Variants in PTPN12 observed in about 807,000 individuals in gnomAD.
PTPN12 encodes tyrosine-protein phosphatase non-receptor type 12.
In PTPN12, 29 loss-of-function variants were observed where a neutral mutation model predicts 97.6. The ratio of observed to expected loss-of-function variants is 0.30; its 90% CI spans 0.22 to 0.41. The LOEUF (loss-of-function observed/expected upper bound fraction) is 0.41. Among genes scored for constraint, PTPN12 ranks in the 10% least tolerant of loss-of-function variants. PTPN12 has a pLI of 1.00. For missense variants in PTPN12, 819 were observed against 926.0 expected, an observed-to-expected ratio of 0.88 and a Z score of 1.50; for synonymous variants, 327 against 300.4, an observed-to-expected ratio of 1.09 and a Z score of -0.91.
chr7:77,564,746 G>GGTTTTTT (rs1808162192), intron 1 of PTPN12, among the ~76,000 whole-genome samples: 2 of 45,370 alleles, frequency 4.4e-5, no homozygotes, highest in African/African-American at 1.8e-4. Context: ...TTGTTGTCGT[G>GGTTTTTT]TTTTTTTTTT....
intron 5 of PTPN12, among the ~76,000 whole-genome samples, chr7:77,589,077 T>G (rs960432667): frequency 3.9e-5 from 6 of 152,178 alleles, no homozygotes; most frequent in African/African-American, 1.2e-4. Context: ...TTTCACTGTG[T>G]TGGCCAGGCT....
intron 1 of PTPN12, among the ~76,000 whole-genome samples, chr7:77,554,804 G>T (rs576595603): frequency 6.6e-6 from 1 of 152,070 alleles, no homozygotes; most frequent in African/African-American, 2.4e-5. Context: ...CCTAGCCTCC[G>T]GAGTAGCAGA....
chr7:77,604,722 A>G (rs1409627301), intron 8 of PTPN12, among the ~76,000 whole-genome samples: 1 of 151,966 alleles, frequency 6.6e-6, no homozygotes, highest in African/African-American at 2.4e-5. Context: ...TATTTTGCAT[A>G]TATTTTTAGT....
intron 12 of PTPN12, among the ~76,000 whole-genome samples, chr7:77,623,819 T>G (rs1789031787): frequency 6.6e-6 from 1 of 152,248 alleles, no homozygotes; most frequent in African/African-American, 2.4e-5. Context: ...TATCTCATCC[T>G]TTTAAAACTC....
chr7:77,599,045 G>A (rs1407814789), intron 7 of PTPN12, among the ~76,000 whole-genome samples: 2 of 151,136 alleles, frequency 1.3e-5, no homozygotes, highest in South Asian at 2.1e-4. Flanking sequence ...TGAAATGAGA[G>A]TGTAATATTT....
intron 8 of PTPN12, among the ~76,000 whole-genome samples, chr7:77,604,231 T>TTC (rs1788283350): frequency 7.2e-6 from 1 of 139,090 alleles, no homozygotes; most frequent in Admixed American, 7.4e-5. Context: ...TTTTTTTTTT[T>TTC]TTGAGACGGA....
At chr7:77,605,409 G>GTTTGTTTTTTTTTTT (rs1554321238) in intron 8 of PTPN12, among the ~76,000 whole-genome samples, 2 of 95,560 alleles carry the variant, frequency 2.1e-5, no homozygotes, top group African/African-American at 8.3e-5. Flanking sequence ...TTTGTCATGA[G>GTTTGTTTTTTTTTTT]TTTTTTTTTT....
At chr7:77,612,311 T>C (rs1051400684) in intron 11 of PTPN12, among the ~76,000 whole-genome samples, 2 of 152,242 alleles carry the variant, frequency 1.3e-5, no homozygotes, top group Admixed American at 6.5e-5. Context: ...CTTATTCCTT[T>C]ATTAACATAG....
intron 1 of PTPN12, among the ~76,000 whole-genome samples, chr7:77,548,706 T>C (rs549760648): frequency 6.8e-4 from 103 of 152,314 alleles, no homozygotes; most frequent in African/African-American, 2.3e-3. Flanking sequence ...AAAAGTTTTC[T>C]GTCAGTATAG....
rs1787512328 is a variant in PTPN12, at chr7:77,581,412, A to T, written c.209-15A>T. 1.9e-6 allele frequency: 3 copies of T among 1,580,532 alleles called. No homozygotes were observed. The Middle Eastern group carries it at 5.0e-4, about 265-fold the overall frequency. Reference sequence around the variant, plus strand: ...TGTGTCAACCATACATATTTTATGAATTTTTTTCTCGTAGTTGATCACAGC... The same window carrying T: ...TGTGTCAACCATACATATTTTATGATTTTTTTTCTCGTAGTTGATCACAGC... On this transcript the variant is annotated splice_polypyrimidine_tract_variant and intron_variant, in intron 2 of 17. Coordinates refer to ENST00000248594, the MANE Select transcript of PTPN12 (RefSeq NM_002835.4).
At chr7:77,637,087 T>C in intron 16 of PTPN12, 39 bp downstream of exon 16, 1 of 1,457,480 alleles carries the variant, frequency 6.9e-7, no homozygotes, top group Non-Finnish European at 9.6e-7. Flanking sequence ...TTACTGTAGA[T>C]TTTATTGATT....
chr7:77,604,209 C>CTTTTTTTTTTTTTT (rs71082768), intron 8 of PTPN12, among the ~76,000 whole-genome samples: 29 of 52,800 alleles, frequency 5.5e-4, no homozygotes, highest in East Asian at 1.0e-3. Context: ...TTTTTTCTTC[C>CTTTTTTTTTTTTTT]TTTTTTTTTT....
At chr7:77,592,363 C>A in intron 6 of PTPN12, 107 bp downstream of exon 6, 3 of 922,796 alleles carry the variant, frequency 3.3e-6, no homozygotes, top group Non-Finnish European at 4.8e-6. Flanking sequence ...ACGCCAAGGA[C>A]TCACAAACCT....
At chr7:77,551,789 A>G (rs1180480362) in intron 1 of PTPN12, among the ~76,000 whole-genome samples, 1 of 152,202 alleles carries the variant, frequency 6.6e-6, no homozygotes, top group Non-Finnish European at 1.5e-5. Flanking sequence ...TCAAACTGAT[A>G]TCTTATACTT....
chr7:77,628,186 C>G (rs559805465), intron 13 of PTPN12, among the ~76,000 whole-genome samples: 1 of 152,122 alleles, frequency 6.6e-6, no homozygotes. Context: ...TGCTTCCAAC[C>G]CTGAGTTTAA....
chr7:77,571,968 T>G (rs1471477169), intron 2 of PTPN12, among the ~76,000 whole-genome samples: 1 of 152,252 alleles, frequency 6.6e-6, no homozygotes, highest in Non-Finnish European at 1.5e-5. Flanking sequence ...CTTGCTATCT[T>G]TTAAAGCTGC....
chr7:77,568,046 T>C (rs1808331198), intron 1 of PTPN12, among the ~76,000 whole-genome samples: 1 of 152,222 alleles, frequency 6.6e-6, no homozygotes, highest in Non-Finnish European at 1.5e-5. Flanking sequence ...AAGTTTTTAC[T>C]TGTTTTATGG....
intron 1 of PTPN12, among the ~76,000 whole-genome samples, chr7:77,568,582 A>G (rs762863297): frequency 1.3e-5 from 2 of 152,174 alleles, no homozygotes; most frequent in Non-Finnish European, 2.9e-5. Context: ...GTTTGAAGCT[A>G]TGGTGAGCCA....
intron 14 of PTPN12, among the ~76,000 whole-genome samples, chr7:77,635,153 A>T (rs1789544336): frequency 6.6e-6 from 1 of 152,214 alleles, no homozygotes; most frequent in African/African-American, 2.4e-5. Context: ...AGCCAAGCAC[A>T]ATGGCTTATG....
Sources: gnomAD v4.1 joint callset for allele counts (sites outside exome capture counted in the v4.1 genomes callset) on GRCh38, gnomAD v4.1.1 for gene constraint, MANE v1.5 for transcripts, NCBI Gene and HGNC (gene_info 2026-07-23, HGNC 2026-07-21) for gene names.